The following MAGI1 variants were observed in gnomAD, a reference collection of about 807,000 sequenced individuals.
MAGI1 encodes membrane-associated guanylate kinase, WW and PDZ domain-containing protein 1.
In MAGI1, 58 loss-of-function variants were observed where a neutral mutation model predicts 139.9. That is an observed-to-expected ratio of 0.41 (90% CI 0.34 to 0.52). The LOEUF (loss-of-function observed/expected upper bound fraction) is 0.52. MAGI1 is among the 20% of genes least tolerant of loss of function. The probability of loss-of-function intolerance (pLI) is 0.12; values close to 1 mark genes in which losing one functional copy is unlikely to be tolerated. For synonymous variants in MAGI1, 812 were observed against 737.9 expected (o/e 1.10, Z -1.63); for missense variants, 1,874 against 1,901.6 (o/e 0.99, Z 0.27).
At chr3:65,686,504 G>A (rs2088043915) in intron 1 of MAGI1, among the ~76,000 whole-genome samples, 1 of 152,116 alleles carries the variant, frequency 6.6e-6, no homozygotes, top group Admixed American at 6.6e-5. Context: ...TGTTAGCCAG[G>A]ATGGTCTCGA....
chr3:65,597,935 G>GGGGGGGGGGGT, intron 2 of MAGI1: 2 of 395,928 alleles, frequency 5.1e-6, no homozygotes, highest in Non-Finnish European at 9.9e-6. Flanking sequence ...TGGGGGGGGG[G>GGGGGGGGGGGT]TGGGACCGAA....
chr3:65,429,425 T>G, intron 12 of MAGI1, 95 bp downstream of exon 12: 1 of 1,289,522 alleles, frequency 7.8e-7, no homozygotes, highest in South Asian at 1.5e-5. Context: ...TTTAAATAAA[T>G]TTAAAAAGCC....
intron 12 of MAGI1, among the ~76,000 whole-genome samples, chr3:65,422,885 T>C (rs1946729761): frequency 6.6e-6 from 1 of 152,112 alleles, no homozygotes; most frequent in South Asian, 2.1e-4. Flanking sequence ...CACAGGACTT[T>C]GGAGTTCACG....
chr3:66,038,386 T>C lies in MAGI1; in HGVS notation c.-78A>G, dbSNP rs2107623667. The C allele has an allele frequency of 1.3e-6, 2 of 1,493,010 alleles. No individual in the cohort carries two copies. Among genetic ancestry groups the C allele is most frequent in the Non-Finnish European group, 1.8e-6 (2 of 1,127,266 alleles). The allele number at this position is 1,493,010 out of a possible 1,614,324, so 92.5% of individuals were successfully genotyped here. ...ACAGCACGAGCCCCCAAGCCTCCGC[T>C]TGTTCATGGGAGAAACATCTCTCCC... On this transcript the variant is annotated 5_prime_UTR_variant, in exon 1 of 23. Coordinates refer to ENST00000402939, the MANE Select transcript of MAGI1 (RefSeq NM_001033057.2).
intron 1 of MAGI1, among the ~76,000 whole-genome samples, chr3:65,871,206 G>A (rs2059927480): frequency 6.6e-6 from 1 of 151,810 alleles, no homozygotes; most frequent in Non-Finnish European, 1.5e-5. Flanking sequence ...CAAAGTGCTG[G>A]GATTACAGAC....
intron 2 of MAGI1, among the ~76,000 whole-genome samples, chr3:65,585,096 T>C (rs1012419024): frequency 2.6e-5 from 4 of 152,212 alleles, no homozygotes; most frequent in Non-Finnish European, 4.4e-5. Flanking sequence ...CAATTAGTCA[T>C]TAAGACCATT....
At chr3:65,780,910 C>T (rs1431927349) in intron 1 of MAGI1, among the ~76,000 whole-genome samples, 3 of 152,174 alleles carry the variant, frequency 2.0e-5, no homozygotes, top group Non-Finnish European at 4.4e-5. Context: ...CACTACTTTG[C>T]ATATTGTATT....
rs78692158 is a variant in MAGI1, at chr3:65,419,518, A to G, written c.2167+10002T>C. Among the ~76,000 whole-genome samples, 22 of 152,236 alleles carry G rather than the reference A, an allele frequency of 1.4e-4. 1 individual carries two copies. The East Asian group carries it at 4.3e-3, about 29-fold the overall frequency. ...AGACAATAATGGCTCATAAATGCGTATTTTTCCTGACCTAACCTCACAACC... is the reference window on the plus strand; with the variant it reads ...AGACAATAATGGCTCATAAATGCGTGTTTTTCCTGACCTAACCTCACAACC... On this transcript the variant is annotated intron_variant, in intron 12 of 22. Transcript: ENST00000402939.
chr3:65,653,327 T>C (rs1227726068), intron 1 of MAGI1, among the ~76,000 whole-genome samples: 5 of 152,138 alleles, frequency 3.3e-5, no homozygotes, highest in African/African-American at 1.2e-4. Flanking sequence ...TCGCTTACCT[T>C]CCACTTTGGC....
intron 1 of MAGI1, among the ~76,000 whole-genome samples, chr3:66,036,037 C>A (rs1191139530): frequency 6.6e-6 from 1 of 152,196 alleles, no homozygotes; most frequent in African/African-American, 2.4e-5. Flanking sequence ...GGTACCCTTG[C>A]CTGTCCTTCC....
chr3:65,684,713 G>A (rs1006527003), intron 1 of MAGI1, among the ~76,000 whole-genome samples: 1 of 151,688 alleles, frequency 6.6e-6, no homozygotes, highest in Non-Finnish European at 1.5e-5. Context: ...TTTTGGTTTT[G>A]TTTTTTGAGA....
intron 2 of MAGI1, among the ~76,000 whole-genome samples, chr3:65,604,640 A>G (rs1390398379): frequency 6.6e-6 from 1 of 152,154 alleles, no homozygotes; most frequent in Non-Finnish European, 1.5e-5. Flanking sequence ...ATATAAGAAA[A>G]AAGAAACCAA....
intron 6 of MAGI1, 87 bp downstream of exon 6, chr3:65,453,171 C>T (rs529978703): frequency 4.0e-5 from 47 of 1,162,470 alleles, no homozygotes; most frequent in Non-Finnish European, 5.6e-5. Context: ...ACATAAGACC[C>T]GACTGACCTG....
At chr3:65,684,180 A>G (rs2087821216) in intron 1 of MAGI1, among the ~76,000 whole-genome samples, 2 of 150,202 alleles carry the variant, frequency 1.3e-5, no homozygotes, top group African/African-American at 4.9e-5. Flanking sequence ...AAAAAAAAAA[A>G]AAAAAAGAAA....
intron 5 of MAGI1, among the ~76,000 whole-genome samples, chr3:65,463,421 T>C (rs7646589): frequency 0.019 from 2,856 of 152,322 alleles, 79 homozygotes; most frequent in African/African-American, 0.065. Flanking sequence ...TTTGCATATG[T>C]TGAACCAGCC....
At chr3:65,663,923 G>C (rs901907593) in intron 1 of MAGI1, among the ~76,000 whole-genome samples, 6 of 152,138 alleles carry the variant, frequency 3.9e-5, no homozygotes, top group African/African-American at 1.4e-4. Flanking sequence ...TATAGCAAAG[G>C]AATGATAGTT....
intron 2 of MAGI1, among the ~76,000 whole-genome samples, chr3:65,514,229 A>G (rs1452681067): frequency 6.7e-6 from 1 of 150,174 alleles, no homozygotes; most frequent in Admixed American, 6.7e-5. Flanking sequence ...AGGCATTACC[A>G]TTCAGGACAT....
At chr3:65,448,426 C>T (rs1416449850) in intron 6 of MAGI1, among the ~76,000 whole-genome samples, 1 of 152,132 alleles carries the variant, frequency 6.6e-6, no homozygotes, top group African/African-American at 2.4e-5. Flanking sequence ...CATTATCAGT[C>T]CTTTTAATCC....
At position 65,356,401 on chromosome 3, in the gene MAGI1, A is replaced by C. The variant is rs1193333545; in HGVS notation, c.4366T>G (p.Cys1456Gly). The change falls in exon 23 of 23, where the codon TGT (cysteine) becomes GGT (glycine). Residue 1456 changes from cysteine to glycine, a missense_variant. By Grantham distance (159) the Cys-to-Gly change is radical. Coordinates refer to ENST00000402939, the MANE Select transcript of MAGI1 (RefSeq NM_001033057.2). The stretch of plus-strand genomic sequence containing the variant: ...TCTCAGATACTGAGGTCGGTGCTAC[A>C]TTCTTTGTAAGGTCGCCTTCTCTGC... ...PEQRRRPYKE[C>G]STDLSI The C allele has an allele frequency of 6.2e-7, 1 of 1,600,850 alleles. No homozygotes were observed. The highest frequency in any genetic ancestry group is 8.5e-7 in the Non-Finnish European group (1 of 1,175,858).
Sources: gnomAD v4.1 joint callset for allele counts (sites outside exome capture counted in the v4.1 genomes callset) on GRCh38, gnomAD v4.1.1 for gene constraint, MANE v1.5 for transcripts, NCBI Gene and HGNC (gene_info 2026-07-23, HGNC 2026-07-21) for gene names.